Variants in ARHGEF10 observed in about 807,000 individuals in gnomAD.
The protein encoded by ARHGEF10 is Rho guanine nucleotide exchange factor (GEF) 10.
ARHGEF10 carries 140 observed loss-of-function variants against 147.4 expected under a neutral mutation model. That is an observed-to-expected ratio of 0.95 (90% CI 0.83 to 1.09). The LOEUF (loss-of-function observed/expected upper bound fraction) is 1.09, where lower values mean the gene tolerates loss of function less well. Among genes scored for constraint, ARHGEF10 ranks in the 50% least tolerant of loss-of-function variants. The pLI is 0.00. For missense variants in ARHGEF10, 2,222 were observed against 1,752.7 expected, an observed-to-expected ratio of 1.27 and a Z score of -4.78; for synonymous variants, 902 against 695.8, an observed-to-expected ratio of 1.30 and a Z score of -4.67.
chr8:1,846,825 C>T (rs1804599649), intron 2 of ARHGEF10, among the ~76,000 whole-genome samples: 1 of 152,202 alleles, frequency 6.6e-6, no homozygotes, highest in Non-Finnish European at 1.5e-5. Context: ...GATCTGCCCA[C>T]GTTGGCCTCC....
Position 1,926,577 on chromosome 8 carries a change from C to T in ARHGEF10, c.2697+114C>T, listed in dbSNP as rs777987540. 3.2e-4 allele frequency: 298 copies of T among 934,490 alleles called. 2 individuals carry two copies. The highest frequency in any genetic ancestry group is 2.5e-3 in the Middle Eastern group (12 of 4,812). The allele number at this position is 934,490 out of a possible 1,614,324, so 57.9% of individuals were successfully genotyped here. On this transcript the variant is annotated intron_variant, in intron 23 of 28. Coordinates refer to ENST00000349830, the MANE Select transcript of ARHGEF10 (RefSeq NM_014629.4). ...CAGTAGAGAGTTGGCGGTGGCGTAT[C>T]CCAGAGTGTACTTAGAAACATGAAA... is the stretch of plus-strand genomic sequence containing the variant.
intron 9 of ARHGEF10, among the ~76,000 whole-genome samples, chr8:1,882,241 A>T (rs535427692): frequency 6.6e-6 from 1 of 152,302 alleles, no homozygotes; most frequent in African/African-American, 2.4e-5. Context: ...GTGCAGTGGG[A>T]AGCCCCGGGG....
At chr8:1,904,505 T>C (rs951739132) in intron 16 of ARHGEF10, among the ~76,000 whole-genome samples, 1 of 152,234 alleles carries the variant, frequency 6.6e-6, no homozygotes, top group African/African-American at 2.4e-5. Flanking sequence ...AAGTGGTTTA[T>C]GTAGGAACGT....
intron 8 of ARHGEF10, among the ~76,000 whole-genome samples, chr8:1,878,194 GT>G (rs3837161): frequency 0.5 from 74,753 of 150,550 alleles, 18,770 homozygotes; most frequent in East Asian, 0.69. Context: ...AGTTTTTCGG[GT>G]TTTTTTTTTC....
chr8:1,909,303 A>T lies in ARHGEF10; in HGVS notation c.1976A>T (p.His659Leu). The T allele has an allele frequency of 1.9e-6, 3 of 1,614,206 alleles. No individual in the cohort carries two copies. Among genetic ancestry groups the T allele is most frequent in the Non-Finnish European group, 2.5e-6 (3 of 1,180,030 alleles). The change falls in exon 18 of 29, where the codon CAT (histidine) becomes CTT (leucine). Residue 659 changes from histidine (H) to leucine (L), a missense_variant. Physicochemically the swap from His to Leu is moderately conservative, Grantham distance 99. Coordinates refer to ENST00000349830, the MANE Select transcript of ARHGEF10 (RefSeq NM_014629.4). ...MCATVSSRPSHDSRVMSSQRY... is the reference protein window; with the variant it reads ...MCATVSSRPSLDSRVMSSQRY... ...TCTTTTGGTCGTTTCAGCCCCTCTCATGACAGCCGTGTGATGAGCAGCCAG... is the reference window on the plus strand; with the variant it reads ...TCTTTTGGTCGTTTCAGCCCCTCTCTTGACAGCCGTGTGATGAGCAGCCAG...
intron 23 of ARHGEF10, chr8:1,927,541 AAACT>A (rs1259397617): frequency 6.6e-6 from 1 of 152,196 alleles, no homozygotes; most frequent in African/African-American, 2.4e-5. Context: ...TTAAATTGGG[AAACT>A]AACTGTGCTA....
chr8:1,834,928 C>T (rs1308553793), intron 1 of ARHGEF10, among the ~76,000 whole-genome samples: 1 of 152,214 alleles, frequency 6.6e-6, no homozygotes, highest in Non-Finnish European at 1.5e-5. Context: ...CGGCCCCAAG[C>T]TCCCGGGGTC....
At chr8:1,913,852 C>G (rs770068971) in intron 18 of ARHGEF10, among the ~76,000 whole-genome samples, 9 of 152,180 alleles carry the variant, frequency 5.9e-5, no homozygotes, top group Non-Finnish European at 1.3e-4. Context: ...AAGACACAGT[C>G]ATTATGAACA....
At chr8:1,912,120 T>G (rs13278855) in intron 18 of ARHGEF10, among the ~76,000 whole-genome samples, 1 of 152,044 alleles carries the variant, frequency 6.6e-6, no homozygotes, top group Non-Finnish European at 1.5e-5. Context: ...GGTAACCACC[T>G]GAGACCAGTG....
chr8:1,886,699 G>C (rs1362892910), intron 11 of ARHGEF10, among the ~76,000 whole-genome samples: 1 of 152,166 alleles, frequency 6.6e-6, no homozygotes, highest in African/African-American at 2.4e-5. Flanking sequence ...CCCGTGCCCG[G>C]TCCCTGGTGT....
chr8:1,938,059 T>TGTCAGGGCC (rs1813766106), intron 26 of ARHGEF10, among the ~76,000 whole-genome samples: 1 of 152,168 alleles, frequency 6.6e-6, no homozygotes, highest in Admixed American at 6.5e-5. Context: ...CCCACCTGTC[T>TGTCAGGGCC]GTCAGGGCCG....
At chr8:1,885,498 A>C (rs550683091) in intron 10 of ARHGEF10, 103 bp from the exon 11 acceptor site, 1 of 787,966 alleles carries the variant, frequency 1.3e-6, no homozygotes, top group Non-Finnish European at 2.1e-6. Flanking sequence ...GGAAAATTGA[A>C]AGGTCTACAC....
chr8:1,925,537 T>C, intron 22 of ARHGEF10, 133 bp downstream of exon 22: 3 of 1,231,440 alleles, frequency 2.4e-6, no homozygotes, highest in Non-Finnish European at 3.3e-6. Flanking sequence ...ACCGCTTCTC[T>C]AGAGGTCATT....
At chr8:1,951,519 G>T (rs1263392199) in intron 27 of ARHGEF10, among the ~76,000 whole-genome samples, 1 of 152,184 alleles carries the variant, frequency 6.6e-6, no homozygotes, top group Non-Finnish European at 1.5e-5. Context: ...TTGTTTTGGG[G>T]GAGGCTGTTT....
intron 11 of ARHGEF10, among the ~76,000 whole-genome samples, chr8:1,892,529 C>T (rs931279235): frequency 6.6e-6 from 1 of 151,904 alleles, no homozygotes; most frequent in Non-Finnish European, 1.5e-5. Context: ...AGAGAAATTT[C>T]CGTTGTGAAA....
Position 1,905,579 on chromosome 8 carries a change from C to T in ARHGEF10, c.1830C>T (p.Ser610=), listed in dbSNP as rs1810820522. Residue 610 remains serine (S), a synonymous_variant, in exon 17 of 29, where the codon AGC becomes AGT. Transcript: ENST00000349830. ...GTGTTTTGAATGTCCAGCTTCTCAG[C>T]AGTGGAAGCCGATACCTCATTCGAT... is the stretch of plus-strand genomic sequence containing the variant. ...INERYLNKLL[S]SGSRYLIRSD... 6.2e-7 allele frequency: 1 copy of T among 1,614,184 alleles called. No homozygotes were observed. The highest frequency in any genetic ancestry group is 1.3e-5 in the African/African-American group (1 of 75,044).
intron 26 of ARHGEF10, among the ~76,000 whole-genome samples, chr8:1,944,141 G>A (rs1353651330): frequency 6.2e-5 from 5 of 80,888 alleles, no homozygotes; most frequent in African/African-American, 7.5e-5. Context: ...CCAGCCTCCC[G>A]CATCGTGTCG....
rs62479174 is a variant in ARHGEF10, at chr8:1,909,749, G to A, written c.2143+279G>A. On this transcript the variant is annotated intron_variant, in intron 18 of 28. Transcript: ENST00000349830. ...GTGGATTCCGTCTTCCCGGTCCAGT[G>A]AGCTCAGTTTTGCGTTTCCAGTTAA... Among the ~76,000 whole-genome samples, 1,228 of 152,286 alleles carry A rather than the reference G, an allele frequency of 8.1e-3. 10 individuals are homozygous for A. The highest frequency in any genetic ancestry group is 0.012 in the Non-Finnish European group (802 of 68,028).
chr8:1,862,801 CAG>C (rs1257168350), intron 4 of ARHGEF10, among the ~76,000 whole-genome samples: 2 of 128,360 alleles, frequency 1.6e-5, no homozygotes, highest in Non-Finnish European at 3.1e-5. Flanking sequence ...TTTTTTGAGA[CAG>C]AGTCTCGCTC....
Sources: allele counts gnomAD v4.1 joint callset (sites outside exome capture counted in the v4.1 genomes callset), GRCh38; gene constraint gnomAD v4.1.1; transcripts MANE v1.5; gene names NCBI Gene and HGNC (gene_info 2026-07-23, HGNC 2026-07-21).